SLC25A48: variants seen among roughly 807,000 people sequenced by gnomAD.
SLC25A48 encodes CTC-321K16.1.
SLC25A48 carries 29 observed loss-of-function variants against 32.2 expected under a neutral mutation model. That is an observed-to-expected ratio of 0.90 (90% confidence interval 0.67 to 1.23). The LOEUF is 1.23. SLC25A48 is among the 50% of genes most tolerant of loss of function. The pLI is 0.00. For missense variants in SLC25A48, 399 were observed against 422.7 expected (o/e 0.94, Z 0.49); for synonymous variants, 164 against 172.3 (o/e 0.95, Z 0.38).
At chr5:135,867,616 G>A (rs1444152339) in intron 4 of SLC25A48, among the ~76,000 whole-genome samples, 1 of 152,122 alleles carries the variant, frequency 6.6e-6, no homozygotes, top group African/African-American at 2.4e-5. Flanking sequence ...TTCATCAGCA[G>A]GGCTATCTTA....
At chr5:135,703,864 C>G (rs1344747418) in intron 3 of SLC25A48, among the ~76,000 whole-genome samples, 2 of 152,210 alleles carry the variant, frequency 1.3e-5, no homozygotes, top group East Asian at 1.9e-4. Flanking sequence ...CCATTAGCAT[C>G]CTTTTTCTGC....
At chr5:135,758,997 G>T (rs1193945971) in intron 3 of SLC25A48, among the ~76,000 whole-genome samples, 1 of 151,136 alleles carries the variant, frequency 6.6e-6, no homozygotes, top group Non-Finnish European at 1.5e-5. Flanking sequence ...GATATTAATA[G>T]AATATCATCT....
chr5:135,792,375 AG>A (rs1757054356), intron 3 of SLC25A48, among the ~76,000 whole-genome samples: 1 of 151,616 alleles, frequency 6.6e-6, no homozygotes, highest in African/African-American at 2.4e-5. Flanking sequence ...TGTACACCAC[AG>A]GGGGTGATAT....
At chr5:135,620,342 A>T (rs566421152) in intron 1 of SLC25A48, among the ~76,000 whole-genome samples, 16 of 152,180 alleles carry the variant, frequency 1.1e-4, no homozygotes, top group African/African-American at 3.4e-4. Flanking sequence ...AGCTGGGCAG[A>T]CCTTCCTTCG....
At chr5:135,619,729 C>T (rs144592848) in intron 1 of SLC25A48, among the ~76,000 whole-genome samples, 6 of 151,780 alleles carry the variant, frequency 4.0e-5, no homozygotes, top group South Asian at 2.1e-4. Flanking sequence ...GTGTTCAATA[C>T]TGTAGTCTGT....
chr5:135,879,601 A>AGTGT (rs1289206321), intron 6 of SLC25A48, among the ~76,000 whole-genome samples: 15 of 134,048 alleles, frequency 1.1e-4, no homozygotes, highest in South Asian at 9.4e-4. Flanking sequence ...AGAGAGAGAG[A>AGTGT]GAGAGAGAGA....
In SLC25A48 at chr5:135,815,798, T is replaced by C. The variant is rs577460342; in HGVS notation, c.-117+2872T>C. 2.6e-5 allele frequency among the ~76,000 whole-genome samples: 4 copies of C among 152,316 alleles called. No homozygotes were observed. The East Asian group carries it at 7.7e-4, about 29-fold the overall frequency. On this transcript the variant is annotated intron_variant, in intron 4 of 10. Transcript: ENST00000646290. ...CTGTCACCTGCATGTTCTTGCCATA[T>C]CTGATTATGACCTGTAATACAGATA... is the stretch of plus-strand genomic sequence containing the variant.
intron 3 of SLC25A48, among the ~76,000 whole-genome samples, chr5:135,716,354 GT>G (rs1452752075): frequency 1.3e-5 from 2 of 152,154 alleles, no homozygotes; most frequent in Non-Finnish European, 2.9e-5. Flanking sequence ...AGACAGTTGG[GT>G]TTTTTATCAA....
chr5:135,772,017 A>G (rs1018858584), intron 3 of SLC25A48, among the ~76,000 whole-genome samples: 1 of 151,478 alleles, frequency 6.6e-6, no homozygotes, highest in Non-Finnish European at 1.5e-5. Flanking sequence ...CCCCTATGAT[A>G]TTGTTCATAA....
intron 3 of SLC25A48, among the ~76,000 whole-genome samples, chr5:135,733,444 T>G (rs1755280528): frequency 6.6e-6 from 1 of 152,096 alleles, no homozygotes. Context: ...TTGTGGGAGA[T>G]TCAACAAAGA....
At chr5:135,790,912 G>A (rs1757011020) in intron 3 of SLC25A48, among the ~76,000 whole-genome samples, 1 of 151,388 alleles carries the variant, frequency 6.6e-6, no homozygotes, top group Admixed American at 6.6e-5. Flanking sequence ...TGTCACAGTT[G>A]GTGTTCGGGG....
rs112514597 is a variant in SLC25A48, at chr5:135,590,895, G to T, written c.-849+11298G>T. Among the ~76,000 whole-genome samples the T allele has an allele frequency of 6.9e-3, 1,053 of 152,360 alleles. 24 individuals carry two copies. The highest frequency in any genetic ancestry group is 0.023 in the African/African-American group (976 of 41,574). On this transcript the variant is annotated intron_variant, in intron 1 of 10. Transcript: ENST00000646290. Reference sequence around the variant, plus strand: ...AGTTCTCAACCCATCCCAATGTTCGGCACATGCCCATTGGCGATGAGAATA... The same window carrying T: ...AGTTCTCAACCCATCCCAATGTTCGTCACATGCCCATTGGCGATGAGAATA...
At chr5:135,674,738 G>T (rs1216012635) in intron 3 of SLC25A48, among the ~76,000 whole-genome samples, 1 of 151,684 alleles carries the variant, frequency 6.6e-6, no homozygotes, top group African/African-American at 2.4e-5. Flanking sequence ...TTATCCATTT[G>T]TCTGTGGATG....
chr5:135,702,124 T>G (rs1754408583), intron 3 of SLC25A48, among the ~76,000 whole-genome samples: 1 of 152,254 alleles, frequency 6.6e-6, no homozygotes, highest in Admixed American at 6.5e-5. Context: ...AGCCACCTCA[T>G]GAACTGCTTC....
In SLC25A48 at chr5:135,888,205, T is replaced by C; in HGVS notation, c.*181T>C. On this transcript the variant is annotated 3_prime_UTR_variant, in exon 8 of 8. Transcript: ENST00000681962. ...TCTGATGCCTGGGATGCCTCATGAG[T>C]CACTGATTCAAGCCCTCCAAGGTTC... The C allele has an allele frequency of 1.1e-6, 1 of 886,882 alleles. No individual in the cohort carries two copies. Among genetic ancestry groups the C allele is most frequent in the Non-Finnish European group, 1.7e-6 (1 of 576,546 alleles). The allele number at this position is 886,882 out of a possible 1,614,324, so 54.9% of individuals were successfully genotyped here.
In SLC25A48 at chr5:135,871,753, G is replaced by T. The variant is rs1462602013; in HGVS notation, c.679+35G>T. 7 of 1,604,494 alleles carry T rather than the reference G, an allele frequency of 4.4e-6. No individual in the cohort carries two copies. The South Asian group carries it at 5.5e-5, about 13-fold the overall frequency. On this transcript the variant is annotated intron_variant, in intron 5 of 7. Transcript: ENST00000681962. ...GCAGCAGCTGGAGCCGCACCCCTGT[G>T]CAGGCCACAGCAGTGGGACAGCTGG...
chr5:135,866,323 G>A (rs1761202102), intron 4 of SLC25A48, among the ~76,000 whole-genome samples: 1 of 152,196 alleles, frequency 6.6e-6, no homozygotes, highest in African/African-American at 2.4e-5. Flanking sequence ...TGTTTCTGCT[G>A]GCCTTACTGT....
At chr5:135,674,359 A>G (rs1043284429) in intron 3 of SLC25A48, among the ~76,000 whole-genome samples, 2 of 152,028 alleles carry the variant, frequency 1.3e-5, no homozygotes, top group Non-Finnish European at 2.9e-5. Context: ...GCTATTAAAC[A>G]TTAGAATTTA....
intron 4 of SLC25A48, among the ~76,000 whole-genome samples, 158 bp downstream of exon 4, chr5:135,852,979 T>C (rs1211220507): frequency 6.6e-6 from 1 of 152,134 alleles, no homozygotes; most frequent in Non-Finnish European, 1.5e-5. Context: ...GAGACATGGG[T>C]TTGGTTCCAG....
Sources: gnomAD v4.1 joint callset for allele counts (sites outside exome capture counted in the v4.1 genomes callset) on GRCh38, gnomAD v4.1.1 for gene constraint, MANE v1.5 for transcripts, NCBI Gene and HGNC (gene_info 2026-07-23, HGNC 2026-07-21) for gene names.